Variants in CPLANE1 observed in about 807,000 individuals in gnomAD.
CPLANE1 encodes the protein ciliogenesis and planar polarity effector 1.
CPLANE1 carries 263 observed loss-of-function variants against 362.5 expected under a neutral mutation model. The observed-to-expected ratio is 0.73, with a 90% CI of 0.66 to 0.80. The LOEUF is 0.80. Among genes scored for constraint, CPLANE1 ranks in the 30% least tolerant of loss-of-function variants. The pLI is 0.00. For synonymous variants in CPLANE1, 1,212 were observed against 1,302.6 expected, an observed-to-expected ratio of 0.93 and a Z score of 1.50; for missense variants, 3,461 against 3,793.4, an observed-to-expected ratio of 0.91 and a Z score of 2.30.
intron 21 of CPLANE1, among the ~76,000 whole-genome samples, chr5:37,191,170 T>C (rs1785440785): frequency 6.6e-6 from 1 of 152,036 alleles, no homozygotes; most frequent in African/African-American, 2.4e-5. Flanking sequence ...CTAATGAATA[T>C]GTTGTGTCTT....
Position 37,153,935 on chromosome 5 carries a change from T to G in CPLANE1, c.8178A>C (p.Glu2726Asp). 1 of 1,614,102 alleles carries G rather than the reference T, an allele frequency of 6.2e-7. No individual in the cohort carries two copies. Among genetic ancestry groups the G allele is most frequent in the Non-Finnish European group, 8.5e-7 (1 of 1,179,988 alleles). ...KGQSTKSDSA[E>D]DYLLWKRLQG... ...GCAGCCGTTTCCACAATAGATAATC[T>G]TCTGCAGAGTCTGACTTTGTGCTCT... Residue 2726 changes from glutamate (E) to aspartate (D), a missense_variant, in exon 42 of 53, where the codon GAA becomes GAC. By Grantham distance (45) the Glu-to-Asp change is conservative. Transcript: ENST00000651892.
At position 37,170,057 on chromosome 5, in the gene CPLANE1, C is replaced by T. The variant is rs765250980; in HGVS notation, c.6446G>A (p.Ser2149Asn). The T allele has an allele frequency of 1.7e-5, 27 of 1,613,930 alleles. No individual in the cohort carries two copies. The Admixed American group carries it at 4.5e-4, about 27-fold the overall frequency. ...HEGTIPSGQN[S>N]TGNVQNVPHG... is the part of the protein sequence containing the mutation. ...ATACATTACCTGTACGTTTCCAGTA[C>T]TATTTTGACCAGATGGGATAGTTCC... The change falls in exon 33 of 53, where the codon AGT becomes AAT. Residue 2149 changes from serine to asparagine, a missense_variant. Physicochemically the swap from Ser to Asn is conservative, Grantham distance 46. Transcript: ENST00000651892.
rs1342350100 is a variant in CPLANE1 at position 37,183,678 on chromosome 5, T to C, written c.4503A>G (p.Glu1501=). ...CAGTTGGCTTATGAATTGATGTTAA[T>C]TCCATGTGATTTGGGGCATTTCTAT... is the stretch of plus-strand genomic sequence containing the variant. ...IYQRNAPNHM[E]LTSIHKPTDK... Residue 1501 remains glutamate, a synonymous_variant, in exon 26 of 53, where the codon GAA becomes GAG. Coordinates refer to ENST00000651892, the MANE Select transcript of CPLANE1 (RefSeq NM_001384732.1). 7 of 1,587,036 alleles carry C rather than the reference T, an allele frequency of 4.4e-6. No individual in the cohort carries two copies. In the South Asian group the frequency reaches 7.0e-5, roughly 16 times the overall value.
intron 19 of CPLANE1, among the ~76,000 whole-genome samples, chr5:37,199,356 A>C (rs1303276654): frequency 6.6e-6 from 1 of 152,170 alleles, no homozygotes; most frequent in Non-Finnish European, 1.5e-5. Flanking sequence ...GGTCCATCTA[A>C]GCAGAATCCC....
intron 15 of CPLANE1, among the ~76,000 whole-genome samples, chr5:37,215,304 C>A (rs999152628): frequency 6.6e-6 from 1 of 152,178 alleles, no homozygotes; most frequent in Non-Finnish European, 1.5e-5. Context: ...CCGCCTCGGC[C>A]TCCCAAAGTG....
At position 37,231,014 on chromosome 5, in the gene CPLANE1, T is replaced by C; in HGVS notation, c.974A>G (p.Asp325Gly). The C allele has an allele frequency of 6.5e-7, 1 of 1,548,600 alleles. No homozygotes were observed. The highest frequency in any genetic ancestry group is 8.7e-7 in the Non-Finnish European group (1 of 1,145,478). ...TAACATACAAGCCAGAAAAAGACTA[T>C]CATGCGTCCAGCTGATATCACCTAC... ...YWVGDISWTH[D>G]SLFLACMLKR... is the part of the protein sequence containing the mutation. Residue 325 changes from aspartate to glycine, a missense_variant, in exon 9 of 53, where the codon GAT (aspartate) becomes GGT (glycine). Physicochemically the swap from Asp to Gly is moderately conservative, Grantham distance 94 (BLOSUM62 -1). This residue lies in a region of CPLANE1 where 3,380 missense variants were observed against 3,666.1 expected (regional missense o/e 0.92). Transcript: ENST00000651892.
At chr5:37,181,770 C>T (rs776925851) in intron 26 of CPLANE1, among the ~76,000 whole-genome samples, 3 of 151,924 alleles carry the variant, frequency 2.0e-5, no homozygotes, top group Non-Finnish European at 4.4e-5. Flanking sequence ...AGCTGTGATC[C>T]TAAGACTGCA....
the CPLANE1 span, among the ~76,000 whole-genome samples, chr5:37,080,554 A>G: frequency 6.6e-6 from 1 of 152,226 alleles, no homozygotes; most frequent in East Asian, 1.9e-4. Flanking sequence ...ATTATCTTGC[A>G]AAAGCCCATG....
rs778078642 is a variant in CPLANE1, at chr5:37,158,231, G to C, written c.7805C>G (p.Thr2602Arg). The change falls in exon 39 of 53, where the codon ACA (threonine) becomes AGA (arginine). Residue 2602 changes from threonine to arginine, a missense_variant. Thr to Arg is a moderately conservative substitution (Grantham distance 71). Transcript: ENST00000651892. The stretch of plus-strand genomic sequence containing the variant: ...TCTGAATAAAACACAAACCAAGTTT[G>C]TTACTGTATGAGGTATTGAGGGTGA... ...PWSPSIPHTV[T>R]NLVGHTYINV... The C allele has an allele frequency of 1.9e-6, 3 of 1,613,448 alleles. No individual in the cohort carries two copies. In the South Asian group the frequency reaches 3.3e-5, roughly 18 times the overall value.
At chr5:37,204,913 T>C (rs1395677657) in intron 18 of CPLANE1, among the ~76,000 whole-genome samples, 2 of 152,180 alleles carry the variant, frequency 1.3e-5, no homozygotes, top group Non-Finnish European at 2.9e-5. Flanking sequence ...TCCCAACACT[T>C]TGGGAGGCCA....
chr5:37,187,212 ACT>A (rs1199043228), intron 23 of CPLANE1, among the ~76,000 whole-genome samples, 200 bp downstream of exon 23: 1 of 151,316 alleles, frequency 6.6e-6, no homozygotes. Context: ...CCACCATTCC[ACT>A]CTCTGCTTCC....
At chr5:37,218,327 T>G (rs1455296875) in intron 15 of CPLANE1, among the ~76,000 whole-genome samples, 1 of 152,192 alleles carries the variant, frequency 6.6e-6, no homozygotes, top group Non-Finnish European at 1.5e-5. Flanking sequence ...CCCTGAGCAC[T>G]GAGGTTCTAA....
chr5:37,148,347 T>G lies in CPLANE1; in HGVS notation c.8374-79A>C. 6 of 1,027,740 alleles carry G rather than the reference T, an allele frequency of 5.8e-6. No individual in the cohort carries two copies. The South Asian group carries it at 1.1e-4, about 19-fold the overall frequency. 63.7% of individuals were successfully genotyped at this position (1,027,740 alleles called of 1,614,324 possible). A position where few individuals can be genotyped will look rare whatever the true frequency, so the allele number is the denominator to read the frequency against. On this transcript the variant is annotated intron_variant, in intron 42 of 52. Transcript: ENST00000651892. The stretch of plus-strand genomic sequence containing the variant: ...ATAACAAACAGTTTTATGTAAGTTT[T>G]AAACACTTGCATTAATGCAAAAGTG...
chr5:37,139,911 C>G (rs987534100), intron 44 of CPLANE1: 1 of 985,250 alleles, frequency 1.0e-6, no homozygotes, highest in Non-Finnish European at 1.2e-6. Context: ...AAGGCACAAC[C>G]CTTCTTTGCT....
the CPLANE1 span, among the ~76,000 whole-genome samples, chr5:37,091,363 A>AG: frequency 6.6e-6 from 1 of 152,350 alleles, no homozygotes; most frequent in South Asian, 2.1e-4. Flanking sequence ...AAATTAAAAA[A>AG]TTAAAAAATT....
At chr5:37,094,654 T>C in the CPLANE1 span, among the ~76,000 whole-genome samples, 1 of 152,104 alleles carries the variant, frequency 6.6e-6, no homozygotes, top group African/African-American at 2.4e-5. Context: ...ACCTGGTTCA[T>C]TGAAAAGATA....
At chr5:37,234,454 A>T (rs1325197000) in intron 8 of CPLANE1, among the ~76,000 whole-genome samples, 2 of 151,626 alleles carry the variant, frequency 1.3e-5, no homozygotes, top group Non-Finnish European at 2.9e-5. Flanking sequence ...AAAAGATTAA[A>T]TAATAGACTA....
At position 37,205,297 on chromosome 5, in the gene CPLANE1, T is replaced by G. The variant is rs1437327463; in HGVS notation, c.3289+18A>C. 2.0e-6 allele frequency: 3 copies of G among 1,536,438 alleles called. No homozygotes were observed. The highest frequency in any genetic ancestry group is 2.5e-5 in the East Asian group (1 of 40,718). On this transcript the variant is annotated intron_variant, in intron 18 of 52. Coordinates refer to ENST00000651892, the MANE Select transcript of CPLANE1 (RefSeq NM_001384732.1). ...TATATTAATCTGACACGAATCAGAC[T>G]ATACATACATAACACACCTGTAAAC...
At chr5:37,170,476 C>T in intron 32 of CPLANE1, 145 bp from the exon 33 acceptor site, 1 of 844,690 alleles carries the variant, frequency 1.2e-6, no homozygotes. Flanking sequence ...AGGAGGCAGT[C>T]AGGGAAATTT....
Sources: gnomAD v4.1 joint callset for allele counts (sites outside exome capture counted in the v4.1 genomes callset) on GRCh38, gnomAD v4.1.1 for gene constraint, gnomAD v4.1.1 regional missense constraint, MANE v1.5 for transcripts, NCBI Gene and HGNC (gene_info 2026-07-23, HGNC 2026-07-21) for gene names.